Variants in TDRD9 observed in about 807,000 individuals in gnomAD.
The protein encoded by TDRD9 is tudor domain containing 9, also known as ATP-dependent RNA helicase TDRD9.
TDRD9 carries 124 observed loss-of-function variants against 172.6 expected under a neutral mutation model. That is an observed-to-expected ratio of 0.72 (90% CI 0.62 to 0.83). The LOEUF is 0.83. Ranked by LOEUF, TDRD9 falls within the 40% of genes least tolerant of loss-of-function variation. The pLI, the probability that TDRD9 is intolerant of heterozygous loss-of-function variation, is 0.00. For synonymous variants in TDRD9, 619 were observed against 617.1 expected (o/e 1.00, Z -0.05); for missense variants, 1,479 against 1,714.1 (o/e 0.86, Z 2.42).
Position 103,955,680 on chromosome 14 carries a change from A to T in TDRD9, c.232A>T (p.Ser78Cys). The T allele has an allele frequency of 6.4e-7, 1 of 1,551,090 alleles. No individual in the cohort carries two copies. Among genetic ancestry groups the T allele is most frequent in the Non-Finnish European group, 8.7e-7 (1 of 1,146,704 alleles). ...AAFERSLSQR[S>C]SEVEYINKYR... is the part of the protein sequence containing the mutation. ...TCTTTTCAGGTCACTCAGCCAAAGGAGCTCAGAAGTAGAGTATATTAACAA... is the reference window on the plus strand; with the variant it reads ...TCTTTTCAGGTCACTCAGCCAAAGGTGCTCAGAAGTAGAGTATATTAACAA... Residue 78 changes from serine (S) to cysteine (C), a missense_variant, in exon 2 of 36, where the codon AGC becomes TGC. Around this residue, in one of 3 missense-constraint regions of TDRD9, gnomAD observed 1,413 missense variants for 1,649.1 expected, o/e 0.86. Transcript: ENST00000409874.
intron 34 of TDRD9, 36 bp from the exon 35 acceptor site, chr14:104,049,563 GTTACTAATA>G (rs1166455193): frequency 6.9e-7 from 1 of 1,444,830 alleles, no homozygotes; most frequent in Admixed American, 2.1e-5. Flanking sequence ...AGTGTTTTCA[GTTACTAATA>G]TATAATTAAG....
At chr14:104,002,715 C>G (rs1442016927) in intron 13 of TDRD9, among the ~76,000 whole-genome samples, 3 of 143,788 alleles carry the variant, frequency 2.1e-5, no homozygotes, top group Non-Finnish European at 4.7e-5. Flanking sequence ...TTAGGCTAAC[C>G]TTTTTTCTTT....
intron 28 of TDRD9, among the ~76,000 whole-genome samples, chr14:104,030,517 C>CA (rs1202414574): frequency 6.6e-6 from 1 of 151,956 alleles, no homozygotes; most frequent in Non-Finnish European, 1.5e-5. Context: ...ACAAAAACCC[C>CA]AAAAAACTGT....
Position 103,987,503 on chromosome 14 carries a change from T to G in TDRD9, c.1115+1183T>G, listed in dbSNP as rs148461530. Among the ~76,000 whole-genome samples the G allele has an allele frequency of 3.9e-5, 6 of 152,376 alleles. No homozygotes were observed. The East Asian group carries it at 9.6e-4, about 24-fold the overall frequency. On this transcript the variant is annotated intron_variant, in intron 8 of 35. Coordinates refer to ENST00000409874, the MANE Select transcript of TDRD9 (RefSeq NM_153046.3). ...TTCTGATTTCCATTTTGATTTTTTC[T>G]TTGGCTTATTGGTTTTTAGGAGTGT...
chr14:103,954,754 G>A (rs183630503), intron 1 of TDRD9, among the ~76,000 whole-genome samples: 3 of 150,330 alleles, frequency 2.0e-5, no homozygotes, highest in African/African-American at 4.9e-5. Flanking sequence ...TTAGCCTCTC[G>A]AGTAGCTGGG....
At chr14:103,955,920 G>T in intron 2 of TDRD9, 150 bp downstream of exon 2, 1 of 597,438 alleles carries the variant, frequency 1.7e-6, no homozygotes, top group Admixed American at 3.3e-5. Flanking sequence ...CACTAGCCTG[G>T]GCAACATGGT....
At chr14:103,960,237 C>T (rs2032445647) in intron 2 of TDRD9, among the ~76,000 whole-genome samples, 1 of 149,466 alleles carries the variant, frequency 6.7e-6, no homozygotes, top group Admixed American at 6.8e-5. Context: ...CTTAAGTTCA[C>T]CATGTGAACT....
intron 8 of TDRD9, among the ~76,000 whole-genome samples, chr14:103,987,150 A>G (rs1409335639): frequency 6.6e-6 from 1 of 151,874 alleles, no homozygotes; most frequent in Non-Finnish European, 1.5e-5. Flanking sequence ...ACACACACAC[A>G]CACACACACA....
At chr14:104,046,770 T>C (rs1033063473) in intron 34 of TDRD9, among the ~76,000 whole-genome samples, 3 of 152,142 alleles carry the variant, frequency 2.0e-5, no homozygotes, top group Admixed American at 6.5e-5. Context: ...CTCAGCCTCC[T>C]GAGTAGCTGG....
At chr14:103,969,810 G>A (rs1281951925) in intron 5 of TDRD9, among the ~76,000 whole-genome samples, 1 of 116,528 alleles carries the variant, frequency 8.6e-6, no homozygotes, top group Non-Finnish European at 1.6e-5. Flanking sequence ...GTGCTAGCTG[G>A]TTCTGGGGTG....
At position 103,964,510 on chromosome 14, in the gene TDRD9, T is replaced by G. The variant is rs572797632; in HGVS notation, c.421-823T>G. On this transcript the variant is annotated intron_variant, in intron 3 of 35. Transcript: ENST00000409874. ...ACAGCTATCACTAGTTACTATTTTT[T>G]TTGTTGTTGTTTTTGTTTTTTTGTT... is the stretch of plus-strand genomic sequence containing the variant. 7.2e-5 allele frequency among the ~76,000 whole-genome samples: 11 copies of G among 152,144 alleles called. No homozygotes were observed. In the South Asian group the frequency reaches 2.1e-3, roughly 29 times the overall value.
chr14:103,990,033 C>T (rs2033811392), intron 8 of TDRD9, among the ~76,000 whole-genome samples: 1 of 152,244 alleles, frequency 6.6e-6, no homozygotes, highest in South Asian at 2.1e-4. Flanking sequence ...TGAACCCAAC[C>T]TCATGGCCAT....
At chr14:103,939,241 T>C (rs1420047361) in intron 1 of TDRD9, among the ~76,000 whole-genome samples, 2 of 152,216 alleles carry the variant, frequency 1.3e-5, no homozygotes, top group African/African-American at 2.4e-5. Context: ...TTTCCTGGTA[T>C]GTATGGTGGG....
At chr14:104,041,550 T>C (rs954599372) in intron 33 of TDRD9, among the ~76,000 whole-genome samples, 10 of 152,198 alleles carry the variant, frequency 6.6e-5, no homozygotes, top group Admixed American at 6.5e-5. Context: ...AGCAACAGAA[T>C]TAAAATACGG....
intron 1 of TDRD9, among the ~76,000 whole-genome samples, chr14:103,953,234 C>T (rs1468383893): frequency 2.0e-5 from 3 of 152,168 alleles, no homozygotes; most frequent in Admixed American, 2.0e-4. Flanking sequence ...CAGCTCTTCT[C>T]CATACCCTTC....
intron 13 of TDRD9, among the ~76,000 whole-genome samples, chr14:103,999,643 A>ACATTTAATCTTTTATTCTTCCT (rs1566771643): frequency 1.5e-5 from 2 of 130,570 alleles, no homozygotes; most frequent in Non-Finnish European, 3.3e-5. Context: ...TGTTTTTTAG[A>ACATTTAATCTTTTATTCTTCCT]AAACCTTTTG....
At chr14:103,984,041 G>A (rs755625514) in intron 7 of TDRD9, among the ~76,000 whole-genome samples, 5 of 152,152 alleles carry the variant, frequency 3.3e-5, no homozygotes, top group South Asian at 2.1e-4. Flanking sequence ...GAACTTGAAC[G>A]AGATGATTTA....
intron 3 of TDRD9, among the ~76,000 whole-genome samples, chr14:103,963,764 T>C (rs1280889506): frequency 1.3e-5 from 2 of 152,214 alleles, no homozygotes; most frequent in Admixed American, 6.5e-5. Context: ...CAGATAAAAC[T>C]AGAAATGTTT....
intron 34 of TDRD9, among the ~76,000 whole-genome samples, chr14:104,047,450 G>T (rs2035812991): frequency 6.6e-6 from 1 of 151,510 alleles, no homozygotes; most frequent in African/African-American, 2.4e-5. Context: ...TTGTTTTAAG[G>T]CCTATTTTGT....
Sources: gnomAD v4.1 joint callset for allele counts (sites outside exome capture counted in the v4.1 genomes callset) on GRCh38, gnomAD v4.1.1 for gene constraint, gnomAD v4.1.1 regional missense constraint, MANE v1.5 for transcripts, NCBI Gene and HGNC (gene_info 2026-07-23, HGNC 2026-07-21) for gene names.